Variants in MYO3B observed in about 807,000 individuals in gnomAD.
The protein encoded by MYO3B is myosin IIIB, also known as myosin-IIIb.
A neutral mutation model predicts 174.6 loss-of-function variants in MYO3B; 156 were observed. The ratio of observed to expected loss-of-function variants is 0.89; its 90% CI spans 0.78 to 1.02. The LOEUF (loss-of-function observed/expected upper bound fraction) is 1.02. MYO3B is among the 50% of genes least tolerant of loss of function. The pLI is 0.00. For missense variants in MYO3B, 1,632 were observed against 1,639.4 expected (o/e 1.00, Z 0.08); for synonymous variants, 563 against 569.1 (o/e 0.99, Z 0.15).
At chr2:170,532,208 C>T (rs1438470664) in intron 30 of MYO3B, among the ~76,000 whole-genome samples, 1 of 152,172 alleles carries the variant, frequency 6.6e-6, no homozygotes, top group Non-Finnish European at 1.5e-5. Context: ...AAACAGCAGA[C>T]AAGTCCAAAT....
At chr2:170,606,197 C>T (rs1694795551) in intron 32 of MYO3B, among the ~76,000 whole-genome samples, 1 of 151,170 alleles carries the variant, frequency 6.6e-6, no homozygotes. Flanking sequence ...CCTTCCATAG[C>T]TTCCCATTGA....
At chr2:170,439,040 T>G (rs1207037789) in intron 22 of MYO3B, among the ~76,000 whole-genome samples, 1 of 151,982 alleles carries the variant, frequency 6.6e-6, no homozygotes, top group African/African-American at 2.4e-5. Context: ...TATGCCTTCT[T>G]TGGCGATATG....
At chr2:170,500,790 T>A (rs1263802332) in intron 27 of MYO3B, among the ~76,000 whole-genome samples, 1 of 152,206 alleles carries the variant, frequency 6.6e-6, no homozygotes, top group Non-Finnish European at 1.5e-5. Context: ...ACTAACGCCA[T>A]TTCCAGAAGG....
At chr2:170,616,016 G>A (rs1028777509) in intron 32 of MYO3B, among the ~76,000 whole-genome samples, 4 of 152,206 alleles carry the variant, frequency 2.6e-5, no homozygotes, top group Non-Finnish European at 5.9e-5. Context: ...TAGTGTGTGT[G>A]TCAGTAATTT....
chr2:170,489,878 C>A (rs1686345531), intron 25 of MYO3B, among the ~76,000 whole-genome samples: 1 of 152,054 alleles, frequency 6.6e-6, no homozygotes, highest in Non-Finnish European at 1.5e-5. Context: ...CATGATATCT[C>A]TCTCCATTTA....
chr2:170,404,874 T>C (rs1193285561), intron 20 of MYO3B, among the ~76,000 whole-genome samples: 3 of 152,200 alleles, frequency 2.0e-5, no homozygotes, highest in Middle Eastern at 3.2e-3. Flanking sequence ...TCTCATTAGG[T>C]TACTATTATC....
chr2:170,349,375 A>G (rs535499288), intron 8 of MYO3B: 1 of 152,350 alleles, frequency 6.6e-6, no homozygotes, highest in South Asian at 2.1e-4. Context: ...CCTTGAGAGC[A>G]GAGAATGTAT....
chr2:170,595,270 C>T (rs879925171), intron 32 of MYO3B, among the ~76,000 whole-genome samples: 4 of 152,092 alleles, frequency 2.6e-5, no homozygotes, highest in Admixed American at 1.3e-4. Context: ...TAACTAAAGA[C>T]GGCCAGATGA....
At chr2:170,439,004 C>G (rs893257905) in intron 22 of MYO3B, among the ~76,000 whole-genome samples, 1 of 151,346 alleles carries the variant, frequency 6.6e-6, no homozygotes, top group Non-Finnish European at 1.5e-5. Flanking sequence ...TACTGAGTAT[C>G]TCTTCATATA....
At chr2:170,531,261 A>G (rs535104279) in intron 30 of MYO3B, among the ~76,000 whole-genome samples, 1 of 152,318 alleles carries the variant, frequency 6.6e-6, no homozygotes, top group South Asian at 2.1e-4. Flanking sequence ...ATTTCTCTGT[A>G]GGTCCTGGAA....
intron 8 of MYO3B, among the ~76,000 whole-genome samples, chr2:170,337,050 T>C (rs945972990): frequency 6.6e-6 from 1 of 151,632 alleles, no homozygotes; most frequent in Non-Finnish European, 1.5e-5. Flanking sequence ...GGCTGCAGAA[T>C]GCACTAGGAG....
In MYO3B at chr2:170,651,726, C is replaced by T. The variant is rs531963783; in HGVS notation, c.3832C>T (p.Gln1278Ter). ...SSPEDTMYYN[Q>*]LNGTLEYQGS... ...CCCTGAGGACACCATGTACTATAAC[C>T]AGTTAAATGTGAGTTCAAAGTGGCC... The change falls in exon 33 of 35, where the codon CAG becomes TAG. Residue 1278 changes from glutamine to a stop codon, truncating the protein, a stop_gained. Coordinates refer to ENST00000408978, the MANE Select transcript of MYO3B (RefSeq NM_138995.5). LOFTEE classifies it high-confidence loss of function. The T allele has an allele frequency of 8.7e-6, 14 of 1,613,658 alleles. No homozygotes were observed. In the Admixed American group the frequency reaches 2.2e-4, roughly 25 times the overall value.
intron 7 of MYO3B, among the ~76,000 whole-genome samples, chr2:170,245,761 G>A (rs1355307403): frequency 2.0e-5 from 3 of 152,156 alleles, no homozygotes; most frequent in East Asian, 1.9e-4. Context: ...CAGGGCTGGG[G>A]CCACTCACTG....
chr2:170,389,707 C>T (rs892070297), intron 14 of MYO3B, among the ~76,000 whole-genome samples: 3 of 152,132 alleles, frequency 2.0e-5, no homozygotes, highest in African/African-American at 7.2e-5. Context: ...TCATCTCAGG[C>T]CTTTCGGTTC....
chr2:170,476,343 T>C (rs552929134), intron 25 of MYO3B, among the ~76,000 whole-genome samples: 16 of 152,344 alleles, frequency 1.1e-4, no homozygotes, highest in African/African-American at 3.6e-4. Context: ...CCCTCTGCCT[T>C]TTCCCAAGGG....
intron 30 of MYO3B, chr2:170,524,363 T>C: frequency 2.9e-6 from 1 of 345,758 alleles, no homozygotes. Context: ...CACTGGGTTA[T>C]GCAGGGTCAC....
chr2:170,202,489 C>A (rs2092672570), intron 3 of MYO3B, among the ~76,000 whole-genome samples: 1 of 152,186 alleles, frequency 6.6e-6, no homozygotes, highest in Non-Finnish European at 1.5e-5. Flanking sequence ...AGTCCCCTAG[C>A]CTTCAGATGA....
intron 32 of MYO3B, among the ~76,000 whole-genome samples, chr2:170,548,567 A>G (rs1239716819): frequency 2.6e-5 from 4 of 152,210 alleles, no homozygotes; most frequent in East Asian, 1.9e-4. Flanking sequence ...GATTTTAACA[A>G]TAACTCCAGT....
intron 7 of MYO3B, among the ~76,000 whole-genome samples, chr2:170,276,213 C>T (rs1473629505): frequency 6.6e-6 from 1 of 152,138 alleles, no homozygotes; most frequent in Non-Finnish European, 1.5e-5. Context: ...TGGTGTGGGT[C>T]CAAGTCCTAA....
Sources: allele counts gnomAD v4.1 joint callset (sites outside exome capture counted in the v4.1 genomes callset), GRCh38; gene constraint gnomAD v4.1.1; transcripts MANE v1.5; gene names NCBI Gene and HGNC (gene_info 2026-07-23, HGNC 2026-07-21).